ATP5MC3: variants seen among roughly 807,000 people sequenced by gnomAD.
The protein encoded by ATP5MC3 is ATP synthase F(0) complex subunit C3, mitochondrial.
In ATP5MC3, 6 loss-of-function variants were observed where a neutral mutation model predicts 15.6. That is an observed-to-expected ratio of 0.38 (90% CI 0.21 to 0.76). The LOEUF is 0.76. ATP5MC3 is among the 30% of genes least tolerant of loss of function. The pLI is 0.44. For missense variants in ATP5MC3, 132 were observed against 171.2 expected, an observed-to-expected ratio of 0.77 and a Z score of 1.28; for synonymous variants, 66 against 63.3, an observed-to-expected ratio of 1.04 and a Z score of -0.20.
chr2:175,179,000 T>A, intron 4 of ATP5MC3, 57 bp downstream of exon 4: 1 of 1,578,072 alleles, frequency 6.3e-7, no homozygotes, highest in South Asian at 1.1e-5. Context: ...TTTCAGTAGC[T>A]AAGTTTCCAA....
chr2:175,181,680 G>C lies in ATP5MC3; in HGVS notation c.-98C>G, dbSNP rs2217675. ...CCTTCCCAGGAGGCGGCGGCGGCAC[G>C]GGCTGCGGCAGAGGTCGAAGGAGTG... On this transcript the variant is annotated 5_prime_UTR_variant, in exon 1 of 5. Coordinates refer to ENST00000284727, the MANE Select transcript of ATP5MC3 (RefSeq NM_001689.5). 13 of 477,752 alleles carry C rather than the reference G, an allele frequency of 2.7e-5. No homozygotes were observed. Among genetic ancestry groups the C allele is most frequent in the Admixed American group, 8.0e-5 (2 of 24,846 alleles). The allele number at this position is 477,752 out of a possible 1,614,324, so 29.6% of individuals were successfully genotyped here. A position where few individuals can be genotyped will look rare whatever the true frequency, so the allele number is the denominator to read the frequency against.
chr2:175,179,165 A>G lies in ATP5MC3; in HGVS notation c.206T>C (p.Ile69Thr), dbSNP rs1239007433. The change falls in exon 4 of 5, where the codon ATT becomes ACT. Residue 69 changes from isoleucine (I) to threonine (T), a missense_variant. Transcript: ENST00000284727. ...EFQTSAISRD[I>T]DTAAKFIGAG... ...ACCAATAAATTTGGCAGCAGTATCA[A>G]TGTCTCTGCTGATTGCACTGGTCTG... 1 of 1,614,104 alleles carries G rather than the reference A, an allele frequency of 6.2e-7. No homozygotes were observed. Among genetic ancestry groups the G allele is most frequent in the African/African-American group, 1.3e-5 (1 of 74,938 alleles).
chr2:175,180,557 A>G (rs1700754699), intron 2 of ATP5MC3, among the ~76,000 whole-genome samples: 1 of 152,218 alleles, frequency 6.6e-6, no homozygotes, highest in Non-Finnish European at 1.5e-5. Context: ...AACATTTATC[A>G]TTCAAAATAG....
rs890111689 is a variant in ATP5MC3 at position 175,177,851 on chromosome 2, T to TTAA, written c.*436_*437insTTA. On this transcript the variant is annotated 3_prime_UTR_variant, in exon 5 of 5. Transcript: ENST00000284727. ...TTCTGATTTGAAGTATTCTAACTGATGTTAGACCTTAAAAACTCAAGACCA... is the reference window on the plus strand; with the variant it reads ...TTCTGATTTGAAGTATTCTAACTGATTAAGTTAGACCTTAAAAACTCAAGACCA... The TTAA allele has an allele frequency of 1.3e-5, 2 of 152,724 alleles. No homozygotes were observed. Among genetic ancestry groups the TTAA allele is most frequent in the Non-Finnish European group, 2.9e-5 (2 of 68,348 alleles). 9.5% of individuals were successfully genotyped at this position (152,724 alleles called of 1,614,324 possible). A position where few individuals can be genotyped will look rare whatever the true frequency, so the allele number is the denominator to read the frequency against.
At chr2:175,181,567 T>G in intron 1 of ATP5MC3, 89 bp downstream of exon 1, 1 of 748,402 alleles carries the variant, frequency 1.3e-6, no homozygotes, top group South Asian at 1.9e-5. Context: ...TTGGGCCCCG[T>G]GCCCAGTGAG....
chr2:175,181,632 G>C, intron 1 of ATP5MC3, 24 bp downstream of exon 1: 2 of 536,026 alleles, frequency 3.7e-6, no homozygotes, highest in Non-Finnish European at 6.5e-6. Flanking sequence ...TGGCCAGGCC[G>C]GGCTCCCTGT....
At position 175,177,710 on chromosome 2, in the gene ATP5MC3, T is replaced by C. The variant is rs1307071101; in HGVS notation, c.*578A>G. 2.0e-5 allele frequency: 3 copies of C among 152,234 alleles called. No homozygotes were observed. Among genetic ancestry groups the C allele is most frequent in the Non-Finnish European group, 2.9e-5 (2 of 68,038 alleles). The allele number at this position is 152,234 out of a possible 1,614,324, so 9.4% of individuals were successfully genotyped here. ...TCATTAGAGGCACACAATTGCTTAA[T>C]GTGAGACTTACTGAAAAACAAAAGT... On this transcript the variant is annotated 3_prime_UTR_variant, in exon 5 of 5. Transcript: ENST00000284727.
In ATP5MC3 at chr2:175,176,422, T is replaced by C. The variant is rs1700682885; in HGVS notation, c.*1866A>G. ...ATTTTAACCACCTTAAAGTGTACAA[T>C]TCAGTGACATTTATTATATTTACAA... is the stretch of plus-strand genomic sequence containing the variant. On this transcript the variant is annotated 3_prime_UTR_variant, in exon 5 of 5. Coordinates refer to ENST00000284727, the MANE Select transcript of ATP5MC3 (RefSeq NM_001689.5). 6.6e-6 allele frequency: 1 copy of C among 152,202 alleles called. No homozygotes were observed. The highest frequency in any genetic ancestry group is 1.5e-5 in the Non-Finnish European group (1 of 68,030). 9.4% of individuals were successfully genotyped at this position (152,202 alleles called of 1,614,324 possible). A position where few individuals can be genotyped will look rare whatever the true frequency, so the allele number is the denominator to read the frequency against.
intron 2 of ATP5MC3, 135 bp downstream of exon 2, chr2:175,181,220 G>A: frequency 5.5e-6 from 6 of 1,090,500 alleles, no homozygotes; most frequent in Non-Finnish European, 6.5e-6. Context: ...AACGGCAATG[G>A]GTTAATAGGT....
At position 175,178,145 on chromosome 2, in the gene ATP5MC3, T is replaced by C. The variant is rs931745403; in HGVS notation, c.*143A>G. 11 of 1,396,180 alleles carry C rather than the reference T, an allele frequency of 7.9e-6. No individual in the cohort carries two copies. The East Asian group carries it at 2.7e-4, about 34-fold the overall frequency. 86.5% of individuals were successfully genotyped at this position (1,396,180 alleles called of 1,614,324 possible). On this transcript the variant is annotated 3_prime_UTR_variant, in exon 5 of 5. Transcript: ENST00000284727. ...TGTAAGTACAAATCACAGAAGAAATTAAAGTTTTCATCTTTAATGAAATGA... is the reference window on the plus strand; with the variant it reads ...TGTAAGTACAAATCACAGAAGAAATCAAAGTTTTCATCTTTAATGAAATGA...
chr2:175,179,509 T>C (rs1700738208), intron 3 of ATP5MC3: 3 of 417,074 alleles, frequency 7.2e-6, no homozygotes, highest in Non-Finnish European at 1.2e-5. Flanking sequence ...TTGTTTTTTC[T>C]TAAAAGAGAC....
rs374553351 is a variant in ATP5MC3, at chr2:175,176,363, A to T, written c.*1925T>A. The T allele has an allele frequency of 2.8e-4, 1 of 3,592 alleles. No homozygotes were observed. The highest frequency in any genetic ancestry group is 0.019 in the East Asian group (1 of 52). The allele number at this position is 3,592 out of a possible 1,614,324, so 0.2% of individuals were successfully genotyped here. On this transcript the variant is annotated 3_prime_UTR_variant, in exon 5 of 5. Coordinates refer to ENST00000284727, the MANE Select transcript of ATP5MC3 (RefSeq NM_001689.5). ...ATTTTATACTATGTACTTTGTATTA[A>T]ATAGTAGTTTCAGTAAGACATGTAA... is the stretch of plus-strand genomic sequence containing the variant.
At chr2:175,178,443 T>C in intron 4 of ATP5MC3, 41 bp from the exon 5 acceptor site, 1 of 1,561,786 alleles carries the variant, frequency 6.4e-7, no homozygotes, top group Non-Finnish European at 8.6e-7. Flanking sequence ...GAAATATTAA[T>C]TTCAACATGT....
In ATP5MC3 at chr2:175,178,119, G is replaced by A. The variant is rs1700715054; in HGVS notation, c.*169C>T. 7.7e-7 allele frequency: 1 copy of A among 1,296,984 alleles called. No individual in the cohort carries two copies. Among genetic ancestry groups the A allele is most frequent in the Non-Finnish European group, 1.0e-6 (1 of 989,738 alleles). 80.3% of individuals were successfully genotyped at this position (1,296,984 alleles called of 1,614,324 possible). On this transcript the variant is annotated 3_prime_UTR_variant, in exon 5 of 5. Coordinates refer to ENST00000284727, the MANE Select transcript of ATP5MC3 (RefSeq NM_001689.5). ...TCTTCTTTGTGATAATCTAAACTTA[G>A]TGTAAGTACAAATCACAGAAGAAAT...
Position 175,178,519 on chromosome 2 carries a change from A to G in ATP5MC3, c.315-117T>C. 2.8e-6 allele frequency: 4 copies of G among 1,446,014 alleles called. No homozygotes were observed. The East Asian group carries it at 7.6e-5, about 28-fold the overall frequency. The allele number at this position is 1,446,014 out of a possible 1,614,324, so 89.6% of individuals were successfully genotyped here. A position where few individuals can be genotyped will look rare whatever the true frequency, so the allele number is the denominator to read the frequency against. On this transcript the variant is annotated intron_variant, in intron 4 of 4. Transcript: ENST00000284727. The stretch of plus-strand genomic sequence containing the variant: ...TTTGTAAACTGAAAAGTCTGCTGGA[A>G]GAGTATTTGCCTAGATCTCTCTTAC...
At position 175,181,696 on chromosome 2, in the gene ATP5MC3, C is replaced by T; in HGVS notation, c.-114G>A. ...CGGCGGCACGGGCTGCGGCAGAGGTCGAAGGAGTGGGACTCAATGCGCAAG... is the reference window on the plus strand; with the variant it reads ...CGGCGGCACGGGCTGCGGCAGAGGTTGAAGGAGTGGGACTCAATGCGCAAG... On this transcript the variant is annotated 5_prime_UTR_variant, in exon 1 of 5. Coordinates refer to ENST00000284727, the MANE Select transcript of ATP5MC3 (RefSeq NM_001689.5). The T allele has an allele frequency of 2.4e-6, 1 of 422,032 alleles. No homozygotes were observed. Among genetic ancestry groups the T allele is most frequent in the Non-Finnish European group, 4.2e-6 (1 of 236,884 alleles). 26.1% of individuals were successfully genotyped at this position (422,032 alleles called of 1,614,324 possible). A position where few individuals can be genotyped will look rare whatever the true frequency, so the allele number is the denominator to read the frequency against.
chr2:175,181,504 AG>A (rs1700772879), intron 1 of ATP5MC3, 38 bp from the exon 2 acceptor site: 7 of 1,369,460 alleles, frequency 5.1e-6, no homozygotes, highest in Non-Finnish European at 7.0e-6. Context: ...AGTGCCCTCC[AG>A]GGGCCTGTTC....
rs1353360759 is a variant in ATP5MC3, at chr2:175,179,201, T to C, written c.170A>G (p.Gln57Arg). The C allele has an allele frequency of 1.2e-6, 2 of 1,614,220 alleles. No individual in the cohort carries two copies. The highest frequency in any genetic ancestry group is 1.7e-6 in the Non-Finnish European group (2 of 1,180,038). ...GAQNGVSQLIQREFQTSAISR... is the reference protein window; with the variant it reads ...GAQNGVSQLIRREFQTSAISR... ...GATTGCACTGGTCTGAAACTCCCTT[T>C]GGATTAGCTGAGACACACCATTCTG... is the stretch of plus-strand genomic sequence containing the variant. Residue 57 changes from glutamine to arginine, a missense_variant, in exon 4 of 5, where the codon CAA (glutamine) becomes CGA (arginine). By Grantham distance (43) the Gln-to-Arg change is conservative. Coordinates refer to ENST00000284727, the MANE Select transcript of ATP5MC3 (RefSeq NM_001689.5).
chr2:175,178,962 G>A (rs1346023302), intron 4 of ATP5MC3, 95 bp downstream of exon 4: 2 of 1,517,680 alleles, frequency 1.3e-6, no homozygotes, highest in Non-Finnish European at 1.8e-6. Context: ...AAGACACAGA[G>A]TAAGCACTTA....
Sources: allele counts gnomAD v4.1 joint callset (sites outside exome capture counted in the v4.1 genomes callset), GRCh38; gene constraint gnomAD v4.1.1; transcripts MANE v1.5; gene names NCBI Gene and HGNC (gene_info 2026-07-23, HGNC 2026-07-21).